Variants in RIMS2 observed in about 807,000 individuals in gnomAD.
The protein encoded by RIMS2 is regulating synaptic membrane exocytosis protein 2.
Under a neutral mutation model 174.4 loss-of-function variants are expected in RIMS2, and 59 were observed. That is an observed-to-expected ratio of 0.34 (90% CI 0.27 to 0.42). The LOEUF is 0.42. Among genes scored for constraint, RIMS2 ranks in the 10% least tolerant of loss-of-function variants. RIMS2 has a pLI of 1.00. For missense variants in RIMS2, 1,620 were observed against 1,666.3 expected, an observed-to-expected ratio of 0.97 and a Z score of 0.48; for synonymous variants, 606 against 572.5, an observed-to-expected ratio of 1.06 and a Z score of -0.84.
At chr8:104,024,541 CGTTGTT>C (rs55642714) in intron 19 of RIMS2, among the ~76,000 whole-genome samples, 6 of 151,348 alleles carry the variant, frequency 4.0e-5, no homozygotes, top group East Asian at 1.9e-4. Context: ...CAACCGGTTT[CGTTGTT>C]GTTGTTGTTG....
intron 19 of RIMS2, among the ~76,000 whole-genome samples, chr8:104,079,604 TATATATATATATATATATATATATATA>T (rs1313430860): frequency 4.8e-5 from 3 of 62,686 alleles, no homozygotes; most frequent in African/African-American, 6.4e-5. Flanking sequence ...GCATGATATA[TATATATATATATATATATATATATATA>T]TATATATATA....
intron 17 of RIMS2, among the ~76,000 whole-genome samples, chr8:104,000,442 A>C (rs1954899): frequency 0.37 from 56,388 of 151,504 alleles, 11,298 homozygotes; most frequent in Non-Finnish European, 0.43. Context: ...ATCACATTTT[A>C]TTTATGCATT....
intron 1 of RIMS2, among the ~76,000 whole-genome samples, chr8:103,523,406 C>CTG (rs796706323): frequency 2.7e-5 from 4 of 149,360 alleles, no homozygotes; most frequent in Non-Finnish European, 4.5e-5. Context: ...TTGTGTGTGT[C>CTG]TGTGTGTGTG....
chr8:103,928,914 G>A (rs1386791094), intron 11 of RIMS2, among the ~76,000 whole-genome samples: 5 of 151,436 alleles, frequency 3.3e-5, no homozygotes, highest in Admixed American at 1.3e-4. Context: ...TATTTAAAAA[G>A]CACAGATAAG....
intron 3 of RIMS2, among the ~76,000 whole-genome samples, chr8:103,872,356 T>A (rs2099116449): frequency 6.6e-6 from 1 of 152,264 alleles, no homozygotes; most frequent in Non-Finnish European, 1.5e-5. Flanking sequence ...TTTATTTACT[T>A]GTTTATAACA....
At chr8:103,575,663 C>G (rs2093165932) in intron 1 of RIMS2, among the ~76,000 whole-genome samples, 3 of 114,518 alleles carry the variant, frequency 2.6e-5, no homozygotes. Flanking sequence ...TATATATAAA[C>G]ACACACATAC....
In RIMS2 at chr8:103,795,197, A is replaced by G. The variant is rs187638739; in HGVS notation, c.698+28660A>G. On this transcript the variant is annotated intron_variant, in intron 3 of 23. Coordinates refer to ENST00000504942, the Ensembl canonical transcript of RIMS2. ...CCTGGAACCAACCCAAATGTCATCA[A>G]TGATAGACTGGATTAAGAAAATGTG... 1.1e-4 allele frequency among the ~76,000 whole-genome samples: 16 copies of G among 152,356 alleles called. No homozygotes were observed. In the East Asian group the frequency reaches 2.5e-3, roughly 24 times the overall value.
intron 2 of RIMS2, among the ~76,000 whole-genome samples, chr8:103,728,745 C>CTTTTT (rs1311572866): frequency 5.9e-5 from 4 of 68,152 alleles, no homozygotes; most frequent in African/African-American, 3.1e-4. Context: ...AGGTATGCTC[C>CTTTTT]TTCTTTTTTT....
chr8:104,242,749 T>A (rs1456672893), intron 19 of RIMS2, among the ~76,000 whole-genome samples: 1 of 152,244 alleles, frequency 6.6e-6, no homozygotes, highest in East Asian at 1.9e-4. Flanking sequence ...AGGTTGCATG[T>A]TTTTGTCTAG....
chr8:103,602,361 C>T (rs1422953782), intron 1 of RIMS2, among the ~76,000 whole-genome samples: 1 of 152,032 alleles, frequency 6.6e-6, no homozygotes, highest in East Asian at 1.9e-4. Flanking sequence ...AGGTAAACTG[C>T]ATGTCATGGG....
intron 3 of RIMS2, among the ~76,000 whole-genome samples, chr8:103,785,106 T>C (rs1235014497): frequency 7.0e-6 from 1 of 142,638 alleles, no homozygotes; most frequent in Non-Finnish European, 1.5e-5. Context: ...TTGTGATTTT[T>C]GTACATTGAT....
chr8:104,199,739 C>T (rs11985151), intron 19 of RIMS2, among the ~76,000 whole-genome samples: 3,796 of 152,198 alleles, frequency 0.025, 139 homozygotes, highest in African/African-American at 0.08. Flanking sequence ...ATTCTATGAG[C>T]GGCACACAAT....
At chr8:103,633,574 C>G (rs1178215461) in intron 1 of RIMS2, among the ~76,000 whole-genome samples, 1 of 152,072 alleles carries the variant, frequency 6.6e-6, no homozygotes, top group Non-Finnish European at 1.5e-5. Flanking sequence ...GGTGTCTTCC[C>G]CCCTCAGTTA....
At chr8:103,942,788 G>A (rs2082837246) in exon 14 of RIMS2, 1 of 1,611,294 alleles carries the variant, frequency 6.2e-7, no homozygotes, top group Admixed American at 1.7e-5. Context: ...AATTGAATTA[G>A]AAACAGCATT....
chr8:104,218,432 T>TGCCAAGAA (rs1563818175), intron 19 of RIMS2, among the ~76,000 whole-genome samples: 2 of 152,192 alleles, frequency 1.3e-5, no homozygotes, highest in African/African-American at 2.4e-5. Context: ...AGGAAACAGT[T>TGCCAAGAA]TTGTCGAAGA....
At chr8:104,015,689 T>C (rs2095881496) in intron 19 of RIMS2, among the ~76,000 whole-genome samples, 1 of 152,104 alleles carries the variant, frequency 6.6e-6, no homozygotes, top group Non-Finnish European at 1.5e-5. Flanking sequence ...GTTTAAATTC[T>C]TTTAAATGAC....
At chr8:103,832,819 A>G (rs1185247731) in intron 3 of RIMS2, among the ~76,000 whole-genome samples, 3 of 152,228 alleles carry the variant, frequency 2.0e-5, no homozygotes, top group African/African-American at 7.2e-5. Flanking sequence ...CAATCTATTT[A>G]CAATCATTCA....
At chr8:103,956,388 G>T (rs946069496) in intron 14 of RIMS2, among the ~76,000 whole-genome samples, 3 of 152,146 alleles carry the variant, frequency 2.0e-5, no homozygotes, top group Non-Finnish European at 4.4e-5. Context: ...GCATGGCACT[G>T]GTACCAAAAC....
intron 19 of RIMS2, among the ~76,000 whole-genome samples, chr8:104,100,452 G>T (rs1192852105): frequency 6.6e-6 from 1 of 151,864 alleles, no homozygotes; most frequent in Non-Finnish European, 1.5e-5. Flanking sequence ...CTTGCCTCAT[G>T]AATCTCCTCT....
Sources: gnomAD v4.1 joint callset for allele counts (sites outside exome capture counted in the v4.1 genomes callset) on GRCh38, gnomAD v4.1.1 for gene constraint, MANE v1.5 for transcripts, NCBI Gene and HGNC (gene_info 2026-07-23, HGNC 2026-07-21) for gene names.